Variants in GRM5 observed in about 807,000 individuals in gnomAD.
GRM5 encodes metabotropic glutamate receptor 5.
GRM5 carries 19 observed loss-of-function variants against 83.1 expected under a neutral mutation model. That is an observed-to-expected ratio of 0.23 (90% confidence interval 0.16 to 0.34). The LOEUF (loss-of-function observed/expected upper bound fraction) is 0.34, where lower values mean the gene tolerates loss of function less well. GRM5 is among the 10% of genes least tolerant of loss of function. The probability of loss-of-function intolerance (pLI) is 1.00; values close to 1 mark genes in which losing one functional copy is unlikely to be tolerated. For missense variants in GRM5, 1,160 were observed against 1,588.3 expected, an observed-to-expected ratio of 0.73 and a Z score of 4.58; for synonymous variants, 675 against 633.6, an observed-to-expected ratio of 1.07 and a Z score of -0.98.
chr11:89,065,432 A>G (rs1047053767), intron 1 of GRM5, among the ~76,000 whole-genome samples: 2 of 151,742 alleles, frequency 1.3e-5, no homozygotes, highest in African/African-American at 4.8e-5. Flanking sequence ...CTATGGAAAC[A>G]AGCCCACTTA....
intron 3 of GRM5, among the ~76,000 whole-genome samples, chr11:88,763,637 ATCTC>A (rs1271825547): frequency 6.6e-6 from 1 of 151,836 alleles, no homozygotes; most frequent in African/African-American, 2.4e-5. Context: ...AAAGAACAGA[ATCTC>A]TATATGTTAT....
rs144985912 is a variant in GRM5, at chr11:89,064,854, T to TTCTCTCTCTC, written c.-201+912_-201+921dup. On this transcript the variant is annotated intron_variant, in intron 1 of 9. Transcript: ENST00000305447. ...CTCTTCCCTGTATTCATTTTTCATA[T>TTCTCTCTCTC]TCTCTCTCTCTCTCTCTCTCTCTCT... Among the ~76,000 whole-genome samples, 174 of 46,078 alleles carry TTCTCTCTCTC rather than the reference T, an allele frequency of 3.8e-3. 2 individuals are homozygous for TTCTCTCTCTC. The highest frequency in any genetic ancestry group is 0.011 in the African/African-American group (131 of 12,012). 30.2% of individuals were successfully genotyped at this position (46,078 alleles called of 152,430 possible). A position where few individuals can be genotyped will look rare whatever the true frequency, so the allele number is the denominator to read the frequency against.
chr11:88,969,284 G>C (rs1939091497), intron 2 of GRM5, among the ~76,000 whole-genome samples: 1 of 152,008 alleles, frequency 6.6e-6, no homozygotes. Context: ...AAAATAAGAT[G>C]CAAGTATCCA....
intron 2 of GRM5, among the ~76,000 whole-genome samples, chr11:88,888,701 T>C (rs1008855762): frequency 6.6e-6 from 1 of 152,130 alleles, no homozygotes; most frequent in African/African-American, 2.4e-5. Flanking sequence ...AGGATCACTA[T>C]TTATATTTTC....
intron 2 of GRM5, among the ~76,000 whole-genome samples, chr11:89,012,081 A>T (rs1405409748): frequency 6.6e-6 from 1 of 152,194 alleles, no homozygotes; most frequent in South Asian, 2.1e-4. Flanking sequence ...CAATGAAAGA[A>T]AAAAAGGGTG....
intron 1 of GRM5, among the ~76,000 whole-genome samples, chr11:89,061,160 T>A (rs1158767486): frequency 6.6e-6 from 1 of 152,140 alleles, no homozygotes; most frequent in Non-Finnish European, 1.5e-5. Context: ...TCTATCTATA[T>A]CGAGATACAC....
At chr11:88,855,683 T>C (rs1426513978) in intron 2 of GRM5, among the ~76,000 whole-genome samples, 1 of 151,920 alleles carries the variant, frequency 6.6e-6, no homozygotes, top group Non-Finnish European at 1.5e-5. Context: ...ATTTCTAAAA[T>C]GCCTCAGAGT....
chr11:88,793,502 A>G (rs537462172), intron 3 of GRM5, among the ~76,000 whole-genome samples: 37 of 152,162 alleles, frequency 2.4e-4, no homozygotes, highest in Non-Finnish European at 4.6e-4. Context: ...ATTTTTGCAT[A>G]TTCTGAGGAA....
intron 7 of GRM5, among the ~76,000 whole-genome samples, chr11:88,582,742 A>T (rs1943237615): frequency 6.6e-6 from 1 of 152,204 alleles, no homozygotes; most frequent in Non-Finnish European, 1.5e-5. Context: ...ATAGTCAAAT[A>T]ACACATTTTA....
At chr11:88,718,008 T>G (rs1436048509) in intron 3 of GRM5, among the ~76,000 whole-genome samples, 1 of 151,886 alleles carries the variant, frequency 6.6e-6, no homozygotes, top group East Asian at 1.9e-4. Context: ...ATAATTCTTT[T>G]GCTTATAATT....
intron 8 of GRM5, among the ~76,000 whole-genome samples, chr11:88,554,344 A>G (rs1942577983): frequency 1.3e-5 from 2 of 152,066 alleles, no homozygotes; most frequent in African/African-American, 2.4e-5. Context: ...ATCCAGGATC[A>G]TCTTTCCTTA....
chr11:88,508,329 T>C lies in GRM5; in HGVS notation c.*263A>G, dbSNP rs952079649. On this transcript the variant is annotated 3_prime_UTR_variant, in exon 10 of 10. Coordinates refer to ENST00000305447, the MANE Select transcript of GRM5 (RefSeq NM_001143831.3). The surrounding 1 kb of genome is among the most constrained non-coding windows in gnomAD (Gnocchi z 4.2). The stretch of plus-strand genomic sequence containing the variant: ...TATGGAACTGTTTGAAGAGACGCCT[T>C]GTCAGCCCTCAAAGATATCAGCCGT... 12 of 371,870 alleles carry C rather than the reference T, an allele frequency of 3.2e-5. No individual in the cohort carries two copies. Among genetic ancestry groups the C allele is most frequent in the Non-Finnish European group, 2.9e-5 (6 of 208,006 alleles). 23.0% of individuals were successfully genotyped at this position (371,870 alleles called of 1,614,324 possible).
chr11:88,705,162 C>T (rs921076792), intron 3 of GRM5, among the ~76,000 whole-genome samples: 4 of 152,084 alleles, frequency 2.6e-5, no homozygotes, highest in Non-Finnish European at 4.4e-5. Flanking sequence ...ACTTTCTACT[C>T]TGTCCAGTGT....
chr11:88,977,309 T>C (rs977533241), intron 2 of GRM5, among the ~76,000 whole-genome samples: 2 of 151,988 alleles, frequency 1.3e-5, no homozygotes, highest in Non-Finnish European at 2.9e-5. Flanking sequence ...GATTCCCAAG[T>C]TCACTCCATT....
At chr11:88,746,366 C>T (rs1942142319) in intron 3 of GRM5, among the ~76,000 whole-genome samples, 1 of 152,002 alleles carries the variant, frequency 6.6e-6, no homozygotes, top group Admixed American at 6.6e-5. Flanking sequence ...TTCTACTGGG[C>T]AATAATATGC....
At chr11:88,787,117 T>A (rs1180692796) in intron 3 of GRM5, among the ~76,000 whole-genome samples, 2 of 143,422 alleles carry the variant, frequency 1.4e-5, no homozygotes, top group Non-Finnish European at 3.0e-5. Context: ...TTTAAAAATA[T>A]GATATATGAT....
At chr11:88,562,808 G>A (rs1398554446) in intron 8 of GRM5, among the ~76,000 whole-genome samples, 1 of 152,072 alleles carries the variant, frequency 6.6e-6, no homozygotes, top group Non-Finnish European at 1.5e-5. Flanking sequence ...GAGGCTAAAT[G>A]TCACTTTCCC....
At chr11:88,921,089 T>TA (rs1252111698) in intron 2 of GRM5, among the ~76,000 whole-genome samples, 2 of 146,494 alleles carry the variant, frequency 1.4e-5, no homozygotes, top group Non-Finnish European at 3.0e-5. Context: ...TTTTTTTTAA[T>TA]AAAGTGAAAT....
chr11:88,568,992 A>G (rs1173740154), intron 7 of GRM5, among the ~76,000 whole-genome samples: 1 of 152,198 alleles, frequency 6.6e-6, no homozygotes, highest in Non-Finnish European at 1.5e-5. Flanking sequence ...AAAAATAGTG[A>G]CAGAATATAG....
Sources: gnomAD v4.1 joint callset for allele counts (sites outside exome capture counted in the v4.1 genomes callset) on GRCh38, gnomAD v4.1.1 for gene constraint, Gnocchi (gnomAD v3.1) non-coding constraint, MANE v1.5 for transcripts, NCBI Gene and HGNC (gene_info 2026-07-23, HGNC 2026-07-21) for gene names.